Variants in FOXP4 observed in about 807,000 individuals in gnomAD.
FOXP4 encodes the protein forkhead box protein P4.
FOXP4 carries 25 observed loss-of-function variants against 82.6 expected under a neutral mutation model. The observed-to-expected ratio is 0.30, with a 90% confidence interval of 0.22 to 0.42. The LOEUF (loss-of-function observed/expected upper bound fraction) is 0.42, where lower values mean the gene tolerates loss of function less well. FOXP4 is among the 10% of genes least tolerant of loss of function. The pLI, the probability that FOXP4 is intolerant of heterozygous loss-of-function variation, is 1.00. For synonymous variants in FOXP4, 415 were observed against 388.2 expected (o/e 1.07, Z -0.81); for missense variants, 785 against 900.9 (o/e 0.87, Z 1.65).
chr6:41,556,524 C>G (rs560566064), intron 1 of FOXP4, among the ~76,000 whole-genome samples: 97 of 152,208 alleles, frequency 6.4e-4, no homozygotes, highest in Non-Finnish European at 8.5e-4. Context: ...TAGGGTTTCA[C>G]CATGTTAGCC....
intron 8 of FOXP4, 140 bp downstream of exon 8, chr6:41,588,037 T>C (rs1766261467): frequency 6.7e-6 from 4 of 598,932 alleles, no homozygotes; most frequent in Non-Finnish European, 1.2e-5. Context: ...TTCTAGTTCT[T>C]TCTCTGCCCC....
Position 41,565,993 on chromosome 6 carries a change from G to C in FOXP4, c.204+29G>C, listed in dbSNP as rs878966004. 3.8e-6 allele frequency: 6 copies of C among 1,595,096 alleles called. No homozygotes were observed. In the South Asian group the frequency reaches 5.6e-5, roughly 15 times the overall value. On this transcript the variant is annotated intron_variant, in intron 2 of 16. Coordinates refer to ENST00000307972, the MANE Select transcript of FOXP4 (RefSeq NM_001012426.2). ...GGAACTGGTGCGCCTTGGGGTATCT[G>C]GGAGCGGGAGAGGGGCACTAGGCTG...
chr6:41,588,109 G>C lies in FOXP4; in HGVS notation c.977+212G>C, dbSNP rs569380251. 5.9e-5 allele frequency among the ~76,000 whole-genome samples: 9 copies of C among 152,280 alleles called. No individual in the cohort carries two copies. In the East Asian group the frequency reaches 1.7e-3, roughly 29 times the overall value. On this transcript the variant is annotated intron_variant, in intron 8 of 16. Coordinates refer to ENST00000307972, the MANE Select transcript of FOXP4 (RefSeq NM_001012426.2). ...TATATTTCTGGGCCTGCATTCCCCT[G>C]ACTCCATCCCCAGCGCAGGGTGCGG...
intron 2 of FOXP4, among the ~76,000 whole-genome samples, chr6:41,577,121 C>G (rs1018129746): frequency 5.3e-5 from 8 of 152,100 alleles, no homozygotes; most frequent in Non-Finnish European, 8.8e-5. Context: ...TCACACTGAC[C>G]CACTGGAGTG....
intron 4 of FOXP4, among the ~76,000 whole-genome samples, chr6:41,585,197 G>C (rs143343401): frequency 7.4e-4 from 112 of 152,262 alleles, no homozygotes; most frequent in Middle Eastern, 3.4e-3. Context: ...ACCTGCTCAG[G>C]AGATCCACCA....
rs1005565873 is a variant in FOXP4, at chr6:41,600,404, C to T, written c.*1468C>T. 2.6e-5 allele frequency: 4 copies of T among 152,738 alleles called. 1 individual carries two copies. The highest frequency in any genetic ancestry group is 6.8e-3 in the Middle Eastern group (2 of 294). The allele number at this position is 152,738 out of a possible 1,614,324, so 9.5% of individuals were successfully genotyped here. On this transcript the variant is annotated 3_prime_UTR_variant, in exon 17 of 17. Transcript: ENST00000307972. ...CCACAGACCCCCTATGGGGGACCCC[C>T]AACTCAAGGCCAAGGACTGGGCGTA...
intron 3 of FOXP4, 47 bp downstream of exon 3, chr6:41,578,128 G>A: frequency 6.5e-7 from 1 of 1,533,474 alleles, no homozygotes. Flanking sequence ...CTGGAGTGTG[G>A]GCCTGGCACA....
rs775256213 is a variant in FOXP4 at position 41,591,235 on chromosome 6, C to T, written c.1449C>T (p.Thr483=). Residue 483 remains threonine (T), a synonymous_variant, in exon 13 of 17, where the codon ACC becomes ACT. Coordinates refer to ENST00000307972, the MANE Select transcript of FOXP4 (RefSeq NM_001012426.2). The surrounding 1 kb of genome is among the most constrained non-coding windows in gnomAD (Gnocchi z 4.2). ...ASLIRQAILE[T]PDRQLTLNEI... is the part of the protein sequence containing the mutation. ...CTTCCCCGCAGGCCATCCTGGAAACCCCTGACAGGCAGCTGACCCTGAATG... is the reference window on the plus strand; with the variant it reads ...CTTCCCCGCAGGCCATCCTGGAAACTCCTGACAGGCAGCTGACCCTGAATG... 3.7e-6 allele frequency: 6 copies of T among 1,609,318 alleles called. No individual in the cohort carries two copies. Among genetic ancestry groups the T allele is most frequent in the Non-Finnish European group, 5.1e-6 (6 of 1,177,832 alleles).
intron 2 of FOXP4, among the ~76,000 whole-genome samples, chr6:41,575,877 AC>A (rs1765453483): frequency 6.6e-6 from 1 of 150,776 alleles, no homozygotes; most frequent in South Asian, 2.1e-4. Flanking sequence ...TTCTTCCCCT[AC>A]CCTTGTGCCC....
At chr6:41,552,485 C>T (rs537327631) in intron 1 of FOXP4, among the ~76,000 whole-genome samples, 21 of 152,286 alleles carry the variant, frequency 1.4e-4, no homozygotes, top group African/African-American at 4.6e-4. Flanking sequence ...CTTCAGGAAG[C>T]CTCTGAGCTT....
At chr6:41,581,244 A>C (rs1249621184) in intron 3 of FOXP4, among the ~76,000 whole-genome samples, 1 of 152,216 alleles carries the variant, frequency 6.6e-6, no homozygotes, top group Non-Finnish European at 1.5e-5. Flanking sequence ...CCCCACTCAC[A>C]GGGACCCCAT....
rs1475036512 is a variant in FOXP4, at chr6:41,589,785, C to T, written c.1080C>T (p.Ser360=). 11 of 1,610,950 alleles carry T rather than the reference C, an allele frequency of 6.8e-6. No individual in the cohort carries two copies. The highest frequency in any genetic ancestry group is 3.3e-5 in the Admixed American group (2 of 59,994). The part of the protein sequence containing the change: ...QQLEIQLAKE[S]ERLQAMMAHL... ...ACCCTCCACAGCTCGCCAAGGAGAGCGAGCGGCTGCAGGCCATGATGGCCC... is the reference window on the plus strand; with the variant it reads ...ACCCTCCACAGCTCGCCAAGGAGAGTGAGCGGCTGCAGGCCATGATGGCCC... The change falls in exon 10 of 17, where the codon AGC becomes AGT. Residue 360 remains serine, a synonymous_variant. Transcript: ENST00000307972.
At chr6:41,551,642 G>A (rs963000975) in intron 1 of FOXP4, among the ~76,000 whole-genome samples, 192 of 152,330 alleles carry the variant, frequency 1.3e-3, no homozygotes, top group East Asian at 5.8e-4. Context: ...AAAATGGGGC[G>A]ACATAGTGGG....
rs1050777721 is a variant in FOXP4, at chr6:41,594,865, C to T, written c.1537-5C>T. On this transcript the variant is annotated splice_region_variant and splice_polypyrimidine_tract_variant and intron_variant, in intron 13 of 16. Transcript: ENST00000307972. ...CCTCTGAGCTCCTCTTCACTGCACC[C>T]ACAGAACGCCGTGCGCCACAACCTC... is the stretch of plus-strand genomic sequence containing the variant. 1.2e-6 allele frequency: 2 copies of T among 1,613,806 alleles called. No homozygotes were observed. Among genetic ancestry groups the T allele is most frequent in the East Asian group, 2.2e-5 (1 of 44,890 alleles).
At chr6:41,598,755 GC>G in intron 16 of FOXP4, 33 bp from the exon 17 acceptor site, 1 of 1,549,380 alleles carries the variant, frequency 6.5e-7, no homozygotes, top group Non-Finnish European at 8.7e-7. Flanking sequence ...TCAGAGGACA[GC>G]CGCCTGGTGC....
chr6:41,562,129 T>A (rs895696437), intron 1 of FOXP4, among the ~76,000 whole-genome samples: 1 of 152,196 alleles, frequency 6.6e-6, no homozygotes, highest in Admixed American at 6.5e-5. Context: ...GACATGAGGC[T>A]GCTGGTGTGC....
At chr6:41,589,721 C>A in intron 9 of FOXP4, 50 bp from the exon 10 acceptor site, 1 of 1,574,008 alleles carries the variant, frequency 6.4e-7, no homozygotes, top group Non-Finnish European at 8.7e-7. Context: ...GACAACACTG[C>A]CTCCAGGGTT....
chr6:41,589,820 T>C lies in FOXP4; in HGVS notation c.1115T>C (p.Met372Thr). 6.2e-7 allele frequency: 1 copy of C among 1,610,884 alleles called. No individual in the cohort carries two copies. The highest frequency in any genetic ancestry group is 8.5e-7 in the Non-Finnish European group (1 of 1,179,916). The change falls in exon 10 of 17, where the codon ATG becomes ACG. Residue 372 changes from methionine (M) to threonine (T), a missense_variant. This residue lies in a region of FOXP4 where 570 missense variants were observed against 634.0 expected (regional missense o/e 0.90). Transcript: ENST00000307972. ...RLQAMMAHLH[M>T]RPSEPKPFSQ... is the part of the protein sequence containing the mutation. ...CAGGCCATGATGGCCCACCTGCACA[T>C]GCGGCCCTCGGAGCCCAAGCCCTTC... is the stretch of plus-strand genomic sequence containing the variant.
chr6:41,559,557 G>A (rs758054244), intron 1 of FOXP4, among the ~76,000 whole-genome samples: 1 of 152,154 alleles, frequency 6.6e-6, no homozygotes, highest in Non-Finnish European at 1.5e-5. Flanking sequence ...ATTACCAGTC[G>A]CCCTTGCTGA....
Sources: gnomAD v4.1 joint callset for allele counts (sites outside exome capture counted in the v4.1 genomes callset) on GRCh38, gnomAD v4.1.1 for gene constraint, gnomAD v4.1.1 regional missense constraint, Gnocchi (gnomAD v3.1) non-coding constraint, MANE v1.5 for transcripts, NCBI Gene and HGNC (gene_info 2026-07-23, HGNC 2026-07-21) for gene names.